Variants in EHD3 observed in about 807,000 individuals in gnomAD.
EHD3 encodes the protein EH domain containing 3, also known as EH domain-containing protein 3.
EHD3 carries 17 observed loss-of-function variants against 43.0 expected under a neutral mutation model. The ratio of observed to expected loss-of-function variants is 0.40; its 90% CI spans 0.27 to 0.59. EHD3 has a LOEUF of 0.59. EHD3 is among the 20% of genes least tolerant of loss of function. EHD3 has a pLI of 0.49. For missense variants in EHD3, 594 were observed against 705.6 expected, an observed-to-expected ratio of 0.84 and a Z score of 1.79; for synonymous variants, 313 against 289.5, an observed-to-expected ratio of 1.08 and a Z score of -0.82.
intron 3 of EHD3, among the ~76,000 whole-genome samples, chr2:31,259,345 A>G (rs1683805556): frequency 6.6e-6 from 1 of 152,138 alleles, no homozygotes; most frequent in Admixed American, 6.5e-5. Flanking sequence ...CCACTTCCTT[A>G]TCTCTTGTCT....
Position 31,249,337 on chromosome 2 carries a change from C to T in EHD3, c.405-34C>T, listed in dbSNP as rs547009569. ...ATGCGGCTAGGTCATGAAAGGTGGGCGAGTACTCACCCAGGTTACCTCTGC... is the reference window on the plus strand; with the variant it reads ...ATGCGGCTAGGTCATGAAAGGTGGGTGAGTACTCACCCAGGTTACCTCTGC... On this transcript the variant is annotated intron_variant, in intron 2 of 5. Coordinates refer to ENST00000322054, the MANE Select transcript of EHD3 (RefSeq NM_014600.3). 1.4e-5 allele frequency: 22 copies of T among 1,577,292 alleles called. No homozygotes were observed. The African/African-American group carries it at 2.0e-4, about 14-fold the overall frequency.
intron 1 of EHD3, among the ~76,000 whole-genome samples, chr2:31,237,491 G>A (rs1035458835): frequency 1.3e-5 from 2 of 151,914 alleles, no homozygotes; most frequent in African/African-American, 2.4e-5. Flanking sequence ...TGCAACCTCC[G>A]CCTCCTGTGT....
intron 1 of EHD3, among the ~76,000 whole-genome samples, chr2:31,235,362 C>T (rs1032878425): frequency 2.0e-5 from 3 of 152,110 alleles, no homozygotes; most frequent in African/African-American, 7.2e-5. Flanking sequence ...TGCTACTTGT[C>T]CTCCTTTTAT....
In EHD3 at chr2:31,234,288, GGGGACCCCGGCTT is replaced by G. The variant is rs6146703; in HGVS notation, c.-322_-310del. ...AGCAGGCGAGGGCTGGGGGCCGATC[GGGGACCCCGGCTT>G]GGGACCCCGGCATCTGGCAGTTTCC... On this transcript the variant is annotated 5_prime_UTR_variant, in exon 1 of 6. Transcript: ENST00000322054. 0.68 allele frequency: 239,986 copies of G among 351,376 alleles called. 84,764 individuals are homozygous for G. Among genetic ancestry groups the G allele is most frequent in the East Asian group, 0.86 (10,947 of 12,784 alleles). 21.8% of individuals were successfully genotyped at this position (351,376 alleles called of 1,614,324 possible). A position where few individuals can be genotyped will look rare whatever the true frequency, so the allele number is the denominator to read the frequency against.
At chr2:31,251,968 G>C (rs2148719866) in intron 3 of EHD3, among the ~76,000 whole-genome samples, 1 of 152,312 alleles carries the variant, frequency 6.6e-6, no homozygotes, top group East Asian at 1.9e-4. Context: ...CCTCCAGGAA[G>C]GCTGGGGAAA....
At position 31,234,711 on chromosome 2, in the gene EHD3, G is replaced by A; in HGVS notation, c.90G>A (p.Lys30=). 1 of 1,614,208 alleles carries A rather than the reference G, an allele frequency of 6.2e-7. No homozygotes were observed. The highest frequency in any genetic ancestry group is 1.1e-5 in the South Asian group (1 of 91,082). The change falls in exon 1 of 6, where the codon AAG becomes AAA. Residue 30 remains lysine, a synonymous_variant. Coordinates refer to ENST00000322054, the MANE Select transcript of EHD3 (RefSeq NM_014600.3). ...TVSEGLKKLY[K]SKLLPLEEHY... is the part of the protein sequence containing the mutation. ...GTGAGGGGCTCAAGAAACTCTACAA[G>A]AGCAAGCTGCTGCCCTTGGAAGAGC...
At chr2:31,262,332 CAAG>C (rs1388913632) in intron 5 of EHD3, among the ~76,000 whole-genome samples, 2 of 152,136 alleles carry the variant, frequency 1.3e-5, no homozygotes, top group Non-Finnish European at 2.9e-5. Flanking sequence ...ACATAGGCCA[CAAG>C]AAGAAGAGCC....
chr2:31,259,487 G>C (rs571643439), intron 3 of EHD3, among the ~76,000 whole-genome samples: 14 of 152,148 alleles, frequency 9.2e-5, no homozygotes, highest in Non-Finnish European at 1.5e-4. Flanking sequence ...ACTTGGGATT[G>C]AGCAGAACAA....
In EHD3 at chr2:31,266,956, T is replaced by G; in HGVS notation, c.*252T>G. On this transcript the variant is annotated 3_prime_UTR_variant, in exon 6 of 6. Coordinates refer to ENST00000322054, the MANE Select transcript of EHD3 (RefSeq NM_014600.3). This position sits in a 1 kb window ranked among gnomAD's most constrained non-coding sequence, Gnocchi z 5.1. ...GCCCCAGAGTCTAAGCCTAAGTCTCTATCGCTCTTCCCCTCTCCTCGGCCA... is the reference window on the plus strand; with the variant it reads ...GCCCCAGAGTCTAAGCCTAAGTCTCGATCGCTCTTCCCCTCTCCTCGGCCA... The G allele has an allele frequency of 2.0e-6, 1 of 494,276 alleles. No individual in the cohort carries two copies. The highest frequency in any genetic ancestry group is 3.5e-6 in the Non-Finnish European group (1 of 282,092). The allele number at this position is 494,276 out of a possible 1,614,324, so 30.6% of individuals were successfully genotyped here.
intron 3 of EHD3, among the ~76,000 whole-genome samples, chr2:31,254,491 G>A (rs1008550507): frequency 6.6e-6 from 1 of 152,238 alleles, no homozygotes; most frequent in East Asian, 1.9e-4. Flanking sequence ...TGCTCGGGCC[G>A]CTCTTTGCCG....
chr2:31,244,406 A>C lies in EHD3; in HGVS notation c.360A>C (p.Lys120Asn). The C allele has an allele frequency of 7.4e-6, 12 of 1,614,142 alleles. No homozygotes were observed. The highest frequency in any genetic ancestry group is 9.3e-6 in the Non-Finnish European group (11 of 1,180,022). ...PGNALVVDPK[K>N]PFRKLNAFGN... ...ACGCCCTGGTGGTGGATCCCAAGAA[A>C]CCCTTCAGGAAACTCAACGCCTTTG... The change falls in exon 2 of 6, where the codon AAA becomes AAC. Residue 120 changes from lysine to asparagine, a missense_variant. By Grantham distance (94) the Lys-to-Asn change is moderately conservative. Coordinates refer to ENST00000322054, the MANE Select transcript of EHD3 (RefSeq NM_014600.3).
chr2:31,243,650 T>A (rs1321144196), intron 1 of EHD3, among the ~76,000 whole-genome samples: 2 of 151,854 alleles, frequency 1.3e-5, no homozygotes, highest in African/African-American at 4.8e-5. Flanking sequence ...AGAGACAGGT[T>A]TCACCATGTT....
chr2:31,237,059 C>T (rs1683338119), intron 1 of EHD3, among the ~76,000 whole-genome samples: 1 of 152,202 alleles, frequency 6.6e-6, no homozygotes, highest in Non-Finnish European at 1.5e-5. Context: ...CTGAATTTAG[C>T]TCATGCGTCA....
At position 31,266,161 on chromosome 2, in the gene EHD3, C is replaced by T; in HGVS notation, c.1081-16C>T. 3.1e-6 allele frequency: 5 copies of T among 1,599,220 alleles called. No homozygotes were observed. The highest frequency in any genetic ancestry group is 1.7e-6 in the Non-Finnish European group (2 of 1,170,544). On this transcript the variant is annotated splice_polypyrimidine_tract_variant and intron_variant, in intron 5 of 5. Transcript: ENST00000322054. This position sits in a 1 kb window ranked among gnomAD's most constrained non-coding sequence, Gnocchi z 5.1. ...TCATCGTATCCTATCTTCATCCTCT[C>T]TCCTCCTCTTCCCAGGACCAGCTGC...
chr2:31,241,233 T>C (rs1683418824), intron 1 of EHD3, among the ~76,000 whole-genome samples: 1 of 152,182 alleles, frequency 6.6e-6, no homozygotes, highest in South Asian at 2.1e-4. Context: ...CCATATTTCT[T>C]TGTGGCCTTC....
At chr2:31,262,390 T>G (rs1683872981) in intron 5 of EHD3, among the ~76,000 whole-genome samples, 1 of 152,220 alleles carries the variant, frequency 6.6e-6, no homozygotes, top group African/African-American at 2.4e-5. Flanking sequence ...CAACATTGAC[T>G]GGATCCTCTG....
chr2:31,246,199 G>T (rs1414069413), intron 2 of EHD3, among the ~76,000 whole-genome samples: 1 of 152,082 alleles, frequency 6.6e-6, no homozygotes, highest in East Asian at 1.9e-4. Context: ...GAGTCCAGGG[G>T]TGTCTCTTAT....
chr2:31,239,917 G>A (rs1250791289), intron 1 of EHD3, among the ~76,000 whole-genome samples: 2 of 152,126 alleles, frequency 1.3e-5, no homozygotes, highest in Admixed American at 1.3e-4. Flanking sequence ...CGAAGGGGAG[G>A]GCTGGAGAAG....
intron 2 of EHD3, among the ~76,000 whole-genome samples, chr2:31,246,384 T>C (rs1683526252): frequency 6.6e-6 from 1 of 151,858 alleles, no homozygotes; most frequent in Admixed American, 6.6e-5. Flanking sequence ...TTTGCAGTGT[T>C]AGTGAGTCAG....
Sources: allele counts gnomAD v4.1 joint callset (sites outside exome capture counted in the v4.1 genomes callset), GRCh38; gene constraint gnomAD v4.1.1; non-coding constraint Gnocchi (gnomAD v3.1); transcripts MANE v1.5; gene names NCBI Gene and HGNC (gene_info 2026-07-23, HGNC 2026-07-21).